CEP63: variants seen among roughly 807,000 people sequenced by gnomAD.
CEP63 encodes the protein centrosomal protein 63.
Under a neutral mutation model 89.1 loss-of-function variants are expected in CEP63, and 84 were observed. The observed-to-expected ratio is 0.94, with a 90% confidence interval of 0.79 to 1.13. CEP63 has a LOEUF of 1.13. CEP63 is among the 50% of genes most tolerant of loss of function. The pLI is 0.00. For missense variants in CEP63, 838 were observed against 813.3 expected (o/e 1.03, Z -0.37); for synonymous variants, 267 against 272.5 (o/e 0.98, Z 0.20).
chr3:134,764,895 C>G, the CEP63 span, among the ~76,000 whole-genome samples: 1 of 152,208 alleles, frequency 6.6e-6, no homozygotes, highest in African/African-American at 2.4e-5. Flanking sequence ...TAGCAGTTTT[C>G]ACGTATCATT....
rs199905683 is a variant in CEP63 at position 134,547,360 on chromosome 3, A to G, written c.955A>G (p.Lys319Glu). The G allele has an allele frequency of 1.1e-5, 18 of 1,613,618 alleles. No homozygotes were observed. Among genetic ancestry groups the G allele is most frequent in the Admixed American group, 3.3e-5 (2 of 59,998 alleles). ...GCCACGGGAAGAATCTCTGGCAGAA[A>G]AGAAGTACACCTCTCAAGGGCAGGG... ...IRPREESLAEKKYTSQGQGDL... is the reference protein window; with the variant it reads ...IRPREESLAEEKYTSQGQGDL... The change falls in exon 9 of 15, where the codon AAG becomes GAG. Residue 319 changes from lysine (K) to glutamate (E), a missense_variant. Physicochemically the swap from Lys to Glu is moderately conservative, Grantham distance 56. Transcript: ENST00000675561.
At chr3:134,714,675 A>G in the CEP63 span, among the ~76,000 whole-genome samples, 7 of 152,376 alleles carry the variant, frequency 4.6e-5, no homozygotes, top group East Asian at 1.3e-3. Context: ...TGTAGCATCT[A>G]GCTATCCCTG....
chr3:134,688,453 C>T, the CEP63 span, among the ~76,000 whole-genome samples: 2 of 152,182 alleles, frequency 1.3e-5, no homozygotes, highest in Non-Finnish European at 2.9e-5. Flanking sequence ...ATTGTGGTGA[C>T]GGTTGTACAG....
At chr3:134,486,405 C>T (rs1183836094) in intron 1 of CEP63, 2 of 985,384 alleles carry the variant, frequency 2.0e-6, no homozygotes, top group Non-Finnish European at 2.4e-6. Context: ...GGCTTGGGTC[C>T]GCCCCGAAGC....
intron 2 of CEP63, among the ~76,000 whole-genome samples, chr3:134,503,046 T>A (rs1230543961): frequency 6.6e-6 from 1 of 151,820 alleles, no homozygotes; most frequent in African/African-American, 2.4e-5. Context: ...TTCCTCCTGG[T>A]ATTCTTATTT....
At position 134,563,932 on chromosome 3, in the gene CEP63, A is replaced by C; in HGVS notation, c.*2397A>C. 1 of 151,604 alleles carries C rather than the reference A, an allele frequency of 6.6e-6. No homozygotes were observed. Among genetic ancestry groups the C allele is most frequent in the African/African-American group, 2.4e-5 (1 of 41,162 alleles). The allele number at this position is 151,604 out of a possible 1,614,324, so 9.4% of individuals were successfully genotyped here. A position where few individuals can be genotyped will look rare whatever the true frequency, so the allele number is the denominator to read the frequency against. ...CTGAATATTCCCTTTCTCTTACCTC[A>C]CCTTTGATTGGCGTTTTCCCCCTTG... is the stretch of plus-strand genomic sequence containing the variant. On this transcript the variant is annotated 3_prime_UTR_variant, in exon 15 of 15. Coordinates refer to ENST00000675561, the MANE Select transcript of CEP63 (RefSeq NM_001353108.3).
intron 5 of CEP63, 138 bp from the exon 6 acceptor site, chr3:134,537,017 A>G (rs1180798538): frequency 1.4e-6 from 1 of 708,764 alleles, no homozygotes; most frequent in African/African-American, 1.7e-5. Flanking sequence ...TAGCTGAGTG[A>G]GTAATGGGGC....
chr3:134,490,317 C>G (rs1264687430), intron 1 of CEP63, among the ~76,000 whole-genome samples: 1 of 151,952 alleles, frequency 6.6e-6, no homozygotes, highest in Non-Finnish European at 1.5e-5. Flanking sequence ...GTCTTGGTGC[C>G]TAGTGCCATT....
At chr3:134,608,167 T>C in the CEP63 span, 3 of 1,160,948 alleles carry the variant, frequency 2.6e-6, no homozygotes, top group Non-Finnish European at 3.2e-6. Context: ...AGGCCATGTA[T>C]TCTCTCCAGC....
the CEP63 span, among the ~76,000 whole-genome samples, chr3:134,737,344 A>G: frequency 1.3e-5 from 2 of 152,222 alleles, no homozygotes. Flanking sequence ...AAAAGATCCT[A>G]CAAAGGTGAA....
chr3:134,575,920 G>C (rs10804633), downstream of CEP63, among the ~76,000 whole-genome samples: 151,825 of 152,342 alleles, frequency 1, 75,659 homozygotes, highest in Middle Eastern at 1. Flanking sequence ...ATAGGATTTT[G>C]ATCAAATATT....
At chr3:134,506,621 T>G (rs934094318) in intron 2 of CEP63, among the ~76,000 whole-genome samples, 66 of 151,998 alleles carry the variant, frequency 4.3e-4, no homozygotes, top group African/African-American at 1.5e-3. Context: ...ATATGAGCAT[T>G]AAAAGTAAAA....
At chr3:134,594,084 G>T in the CEP63 span, among the ~76,000 whole-genome samples, 1 of 152,170 alleles carries the variant, frequency 6.6e-6, no homozygotes, top group African/African-American at 2.4e-5. Flanking sequence ...GATCTCCTTG[G>T]TGTTCACATA....
the CEP63 span, among the ~76,000 whole-genome samples, chr3:134,773,629 C>T: frequency 6.6e-6 from 1 of 152,290 alleles, no homozygotes; most frequent in South Asian, 2.1e-4. Context: ...TCTCCAACCT[C>T]ATGTCTTACA....
chr3:134,651,344 G>T, the CEP63 span: 27 of 1,155,304 alleles, frequency 2.3e-5, no homozygotes, highest in Middle Eastern at 8.0e-4. Context: ...GCTGAGCGCT[G>T]CCTCATCCCC....
the CEP63 span, among the ~76,000 whole-genome samples, chr3:134,675,244 C>G: frequency 1.3e-5 from 2 of 152,092 alleles, no homozygotes; most frequent in Non-Finnish European, 2.9e-5. Context: ...CATCTATGGT[C>G]AATTGATTTT....
At position 134,547,614 on chromosome 3, in the gene CEP63, C is replaced by CTTTTTTTTTTTTTTTTTTTTGTT. The variant is rs62656962; in HGVS notation, c.1067+157_1067+158insTTTTTGTTTTTTTTTTTTTTTTT. 8.9e-6 allele frequency: 2 copies of CTTTTTTTTTTTTTTTTTTTTGTT among 224,274 alleles called. 1 individual carries two copies. The allele number at this position is 224,274 out of a possible 1,614,324, so 13.9% of individuals were successfully genotyped here. ...CCACAAATGGCCTAAGTTCTTATTT[C>CTTTTTTTTTTTTTTTTTTTTGTT]TTTTTTTTTTTTTTTGAGACGGAGT... On this transcript the variant is annotated intron_variant, in intron 9 of 14. Transcript: ENST00000675561.
chr3:134,643,073 G>A, the CEP63 span, among the ~76,000 whole-genome samples: 7 of 152,200 alleles, frequency 4.6e-5, no homozygotes, highest in South Asian at 8.3e-4. Flanking sequence ...TGACAGCAGC[G>A]TGCTCTGAGG....
chr3:134,578,402 C>G (rs1309693846), downstream of CEP63, among the ~76,000 whole-genome samples: 1 of 145,868 alleles, frequency 6.9e-6, no homozygotes, highest in Non-Finnish European at 1.5e-5. Context: ...GCGATCTCAC[C>G]TCACTGCAAC....
Sources: gnomAD v4.1 joint callset for allele counts (sites outside exome capture counted in the v4.1 genomes callset) on GRCh38, gnomAD v4.1.1 for gene constraint, MANE v1.5 for transcripts, NCBI Gene and HGNC (gene_info 2026-07-23, HGNC 2026-07-21) for gene names.